Variants in GRK3 observed in about 807,000 individuals in gnomAD.
The protein encoded by GRK3 is G protein-coupled receptor kinase 3.
GRK3 carries 54 observed loss-of-function variants against 95.7 expected under a neutral mutation model. That is an observed-to-expected ratio of 0.56 (90% CI 0.45 to 0.71). The LOEUF (loss-of-function observed/expected upper bound fraction) is 0.71. Ranked by LOEUF, GRK3 falls within the 30% of genes least tolerant of loss-of-function variation. The probability of loss-of-function intolerance (pLI) is 0.00; values close to 1 mark genes in which losing one functional copy is unlikely to be tolerated. For missense variants in GRK3, 649 were observed against 851.2 expected (o/e 0.76, Z 2.96); for synonymous variants, 281 against 290.8 (o/e 0.97, Z 0.34).
chr22:25,722,303 T>C lies in GRK3; in HGVS notation c.1920T>C (p.Phe640=). ...TTCCCCCTCAGAGTGATCCAGAGTT[T>C]GTGCAGTGGAAGAAAGAGTTGAACG... ...FVLQCESDPE[F]VQWKKELNET... Residue 640 remains phenylalanine (F), a synonymous_variant, in exon 21 of 21, where the codon TTT becomes TTC. Transcript: ENST00000324198. The C allele has an allele frequency of 6.2e-7, 1 of 1,614,164 alleles. No individual in the cohort carries two copies. Among genetic ancestry groups the C allele is most frequent in the Non-Finnish European group, 8.5e-7 (1 of 1,180,022 alleles).
chr22:25,677,040 A>G lies in GRK3; in HGVS notation c.648-1776A>G, dbSNP rs572491626. On this transcript the variant is annotated intron_variant, in intron 8 of 20. Transcript: ENST00000324198. ...CCCAGAGGCCCGAGGCCTGTGTGCT[A>G]TCTCCTTTGGTCTGCAATCTAAAGG... Among the ~76,000 whole-genome samples, 26 of 152,272 alleles carry G rather than the reference A, an allele frequency of 1.7e-4. 2 individuals are homozygous for G. The South Asian group carries it at 4.8e-3, about 28-fold the overall frequency.
intron 5 of GRK3, among the ~76,000 whole-genome samples, chr22:25,665,581 C>G (rs915543949): frequency 3.3e-5 from 5 of 149,982 alleles, no homozygotes; most frequent in Admixed American, 2.0e-4. Flanking sequence ...AAAAAATAGT[C>G]AAAATTTTCT....
Position 25,678,804 on chromosome 22 carries a change from T to C in GRK3, c.648-12T>C. 1 of 1,481,768 alleles carries C rather than the reference T, an allele frequency of 6.7e-7. No homozygotes were observed. The allele number at this position is 1,481,768 out of a possible 1,614,324, so 91.8% of individuals were successfully genotyped here. ...TTACGGCATAGATTTTTCAATAAAT[T>C]TATGTTTCTAGGTATGCAATGAAAT... On this transcript the variant is annotated splice_polypyrimidine_tract_variant and intron_variant, in intron 8 of 20. Coordinates refer to ENST00000324198, the MANE Select transcript of GRK3 (RefSeq NM_005160.4).
intron 1 of GRK3, among the ~76,000 whole-genome samples, chr22:25,579,442 G>A (rs918925996): frequency 6.6e-6 from 1 of 151,584 alleles, no homozygotes; most frequent in Non-Finnish European, 1.5e-5. Flanking sequence ...CTCTGTGCCC[G>A]ACCAATGAAT....
chr22:25,588,460 C>T (rs111643259), intron 1 of GRK3, among the ~76,000 whole-genome samples: 5,622 of 152,260 alleles, frequency 0.037, 204 homozygotes, highest in African/African-American at 0.086. Flanking sequence ...ACATAAGAAA[C>T]TGAGGAAACT....
chr22:25,646,521 C>T (rs1317601539), intron 3 of GRK3, among the ~76,000 whole-genome samples: 1 of 152,040 alleles, frequency 6.6e-6, no homozygotes, highest in East Asian at 1.9e-4. Flanking sequence ...CAGCAGCTAA[C>T]AGAGTTGAAA....
rs2085153768 is a variant in GRK3, at chr22:25,690,171, T to C, written c.958-18T>C. The C allele has an allele frequency of 6.3e-7, 1 of 1,598,448 alleles. No homozygotes were observed. The highest frequency in any genetic ancestry group is 1.3e-5 in the African/African-American group (1 of 74,624). On this transcript the variant is annotated intron_variant, in intron 11 of 20. Coordinates refer to ENST00000324198, the MANE Select transcript of GRK3 (RefSeq NM_005160.4). ...CATTTGGGGCACTCTTATTAAAGAT[T>C]ATTCTCTTTCTGTTTAGCCAGCAAA...
chr22:25,667,909 T>A (rs2084953229), intron 6 of GRK3, 109 bp downstream of exon 6: 2 of 658,668 alleles, frequency 3.0e-6, no homozygotes, highest in African/African-American at 3.6e-5. Flanking sequence ...TAGCAAGTAT[T>A]CACTGACCAT....
At chr22:25,688,692 C>T (rs959666848) in intron 11 of GRK3, among the ~76,000 whole-genome samples, 9 of 152,274 alleles carry the variant, frequency 5.9e-5, no homozygotes, top group South Asian at 2.1e-4. Context: ...CATTCCAGAA[C>T]GCGGTGCTTG....
intron 1 of GRK3, among the ~76,000 whole-genome samples, chr22:25,596,474 C>T (rs1027666091): frequency 2.0e-5 from 3 of 152,134 alleles, no homozygotes; most frequent in African/African-American, 4.8e-5. Flanking sequence ...TTTTAAACAT[C>T]TATTTGAAAA....
chr22:25,626,608 A>G lies in GRK3; in HGVS notation c.191-17984A>G, dbSNP rs574972357. Among the ~76,000 whole-genome samples, 10 of 152,358 alleles carry G rather than the reference A, an allele frequency of 6.6e-5. No homozygotes were observed. In the East Asian group the frequency reaches 1.9e-3, roughly 29 times the overall value. ...AAAAAATACCTCTGTTATTTAATTG[A>G]CAAATTATTATATTCAGTTGGTTAT... On this transcript the variant is annotated intron_variant, in intron 2 of 20. Transcript: ENST00000324198.
At position 25,564,817 on chromosome 22, in the gene GRK3, G is replaced by C. The variant is rs1480631023; in HGVS notation, c.-224G>C. ...GCGCGGGGCGCCGGGCGGCGCGCGA[G>C]GGGGCGGAGCGGGGAGGCGTGCTGC... On this transcript the variant is annotated 5_prime_UTR_variant, in exon 1 of 21. Transcript: ENST00000324198. The C allele has an allele frequency of 1.4e-5, 2 of 148,072 alleles. No homozygotes were observed. The highest frequency in any genetic ancestry group is 6.7e-5 in the Admixed American group (1 of 14,900). 9.2% of individuals were successfully genotyped at this position (148,072 alleles called of 1,614,324 possible).
At chr22:25,646,888 G>A (rs2084786914) in intron 3 of GRK3, among the ~76,000 whole-genome samples, 1 of 151,840 alleles carries the variant, frequency 6.6e-6, no homozygotes, top group African/African-American at 2.4e-5. Flanking sequence ...AGGTGTGGTG[G>A]TGCATGCCTG....
At position 25,722,819 on chromosome 22, in the gene GRK3, A is replaced by T. The variant is rs142042876; in HGVS notation, c.*369A>T. On this transcript the variant is annotated 3_prime_UTR_variant, in exon 21 of 21. Coordinates refer to ENST00000324198, the MANE Select transcript of GRK3 (RefSeq NM_005160.4). ...AACAGATTGCCCTAAGCATTGCCACATATTCTGTCTAGTCACTGCTGATTT... is the reference window on the plus strand; with the variant it reads ...AACAGATTGCCCTAAGCATTGCCACTTATTCTGTCTAGTCACTGCTGATTT... The T allele has an allele frequency of 5.9e-6, 1 of 168,752 alleles. No homozygotes were observed. The highest frequency in any genetic ancestry group is 1.3e-5 in the Non-Finnish European group (1 of 78,600). 10.5% of individuals were successfully genotyped at this position (168,752 alleles called of 1,614,324 possible).
At chr22:25,589,518 C>T (rs745336666) in intron 1 of GRK3, among the ~76,000 whole-genome samples, 3 of 152,110 alleles carry the variant, frequency 2.0e-5, no homozygotes, top group Non-Finnish European at 2.9e-5. Context: ...AGTCATTATG[C>T]CTCCAAGCAG....
At position 25,564,991 on chromosome 22, in the gene GRK3, C is replaced by A; in HGVS notation, c.-50C>A. 4.4e-6 allele frequency: 3 copies of A among 674,772 alleles called. No individual in the cohort carries two copies. Among genetic ancestry groups the A allele is most frequent in the Non-Finnish European group, 6.0e-6 (3 of 501,696 alleles). The allele number at this position is 674,772 out of a possible 1,614,324, so 41.8% of individuals were successfully genotyped here. On this transcript the variant is annotated 5_prime_UTR_variant, in exon 1 of 21. Transcript: ENST00000324198. Reference sequence around the variant, plus strand: ...GCGGGCGGCGGCGGCGGGCGCGCGTCCCGTCCAGGTCCGGAGTAACCGCCG... The same window carrying A: ...GCGGGCGGCGGCGGCGGGCGCGCGTACCGTCCAGGTCCGGAGTAACCGCCG...
At chr22:25,685,959 G>C (rs1420967207) in intron 10 of GRK3, among the ~76,000 whole-genome samples, 1 of 151,178 alleles carries the variant, frequency 6.6e-6, no homozygotes, top group Non-Finnish European at 1.5e-5. Context: ...GGTGGCTCAC[G>C]CCTGTAATCC....
intron 3 of GRK3, among the ~76,000 whole-genome samples, chr22:25,645,910 G>C (rs1601497651): frequency 6.7e-6 from 1 of 148,154 alleles, no homozygotes; most frequent in African/African-American, 2.5e-5. Flanking sequence ...GACAGAGCGA[G>C]ACTCCATCTC....
chr22:25,620,345 C>T (rs1342494792), intron 2 of GRK3, among the ~76,000 whole-genome samples: 1 of 152,070 alleles, frequency 6.6e-6, no homozygotes, highest in East Asian at 1.9e-4. Flanking sequence ...GTTCTGCACA[C>T]GTGGGGATAT....
Sources: gnomAD v4.1 joint callset for allele counts (sites outside exome capture counted in the v4.1 genomes callset) on GRCh38, gnomAD v4.1.1 for gene constraint, MANE v1.5 for transcripts, NCBI Gene and HGNC (gene_info 2026-07-23, HGNC 2026-07-21) for gene names.